TRIM2: variants seen among roughly 807,000 people sequenced by gnomAD.
TRIM2 encodes tripartite motif-containing protein 2.
In TRIM2, 20 loss-of-function variants were observed where a neutral mutation model predicts 75.2. The ratio of observed to expected loss-of-function variants is 0.27; its 90% CI spans 0.19 to 0.39. The LOEUF (loss-of-function observed/expected upper bound fraction) is 0.39. TRIM2 is among the 10% of genes least tolerant of loss of function. The pLI, the probability that TRIM2 is intolerant of heterozygous loss-of-function variation, is 1.00. For missense variants in TRIM2, 660 were observed against 990.8 expected, an observed-to-expected ratio of 0.67 and a Z score of 4.48; for synonymous variants, 373 against 388.3, an observed-to-expected ratio of 0.96 and a Z score of 0.46.
chr4:153,289,762 T>C (rs1050042275), intron 3 of TRIM2, among the ~76,000 whole-genome samples: 1 of 152,240 alleles, frequency 6.6e-6, no homozygotes, highest in Non-Finnish European at 1.5e-5. Context: ...CATGAGGCCA[T>C]GCTCCCTTCT....
intron 1 of TRIM2, among the ~76,000 whole-genome samples, chr4:153,261,639 C>T (rs1753614803): frequency 6.6e-6 from 1 of 152,150 alleles, no homozygotes; most frequent in African/African-American, 2.4e-5. Flanking sequence ...CTACCACATT[C>T]CCTACAACAG....
intron 1 of TRIM2, among the ~76,000 whole-genome samples, chr4:153,159,107 A>T (rs4696426): frequency 0.23 from 35,554 of 152,054 alleles, 4,274 homozygotes; most frequent in East Asian, 0.31. Context: ...TTGCATACAG[A>T]TGATTAGTCT....
intron 1 of TRIM2, among the ~76,000 whole-genome samples, chr4:153,173,924 C>T (rs1272394722): frequency 2.6e-5 from 4 of 152,024 alleles, no homozygotes; most frequent in African/African-American, 9.7e-5. Context: ...AAGATCGTGC[C>T]ACTGCAGTCT....
At position 153,295,387 on chromosome 4, in the gene TRIM2, G is replaced by A; in HGVS notation, c.861G>A (p.Gln287=). 1.2e-6 allele frequency: 2 copies of A among 1,614,050 alleles called. No individual in the cohort carries two copies. Among genetic ancestry groups the A allele is most frequent in the Non-Finnish European group, 1.7e-6 (2 of 1,179,942 alleles). The change falls in exon 6 of 12, where the codon CAG becomes CAA. Residue 287 remains glutamine (Q), a synonymous_variant. Coordinates refer to ENST00000338700, the MANE Select transcript of TRIM2 (RefSeq NM_015271.5). This position sits in a 1 kb window ranked among gnomAD's most constrained non-coding sequence, Gnocchi z 7.2. ...SIKSCSNFTA[Q]ALNHGTETEV... ...AGAGCTGCAGCAACTTCACAGCGCA[G>A]GCCCTCAACCATGGCACGGAGACCG...
intron 1 of TRIM2, among the ~76,000 whole-genome samples, chr4:153,192,762 G>A (rs976871092): frequency 6.6e-6 from 1 of 152,132 alleles, no homozygotes; most frequent in Non-Finnish European, 1.5e-5. Flanking sequence ...TGCACCCACT[G>A]TTCCAAACAC....
Position 153,336,349 on chromosome 4 carries a change from A to G in TRIM2, c.*1383A>G. On this transcript the variant is annotated 3_prime_UTR_variant, in exon 12 of 12. Transcript: ENST00000338700. ...CAGAAAATGGCCTTCTGTGCTTTCA[A>G]AAAAAAAAACAAAAAAAAAACCACA... 1 of 793,866 alleles carries G rather than the reference A, an allele frequency of 1.3e-6. No homozygotes were observed. Among genetic ancestry groups the G allele is most frequent in the Non-Finnish European group, 1.4e-6 (1 of 711,022 alleles). 49.2% of individuals were successfully genotyped at this position (793,866 alleles called of 1,614,324 possible).
At chr4:153,282,222 A>C (rs115285429) in intron 3 of TRIM2, among the ~76,000 whole-genome samples, 6 of 152,320 alleles carry the variant, frequency 3.9e-5, no homozygotes, top group Admixed American at 2.0e-4. Flanking sequence ...GCCCCACACA[A>C]TTAGCTCTCA....
chr4:153,303,309 A>AT (rs1351544751), intron 6 of TRIM2, among the ~76,000 whole-genome samples: 10 of 132,488 alleles, frequency 7.5e-5, no homozygotes, highest in African/African-American at 1.7e-4. Context: ...ACTAAAAAAA[A>AT]AAAATATATA....
chr4:153,186,328 G>A (rs1416665968), intron 1 of TRIM2, among the ~76,000 whole-genome samples: 1 of 152,074 alleles, frequency 6.6e-6, no homozygotes, highest in Non-Finnish European at 1.5e-5. Flanking sequence ...CTGTGATTTG[G>A]TGAAGCTAAC....
At chr4:153,226,249 C>T (rs971596407) in intron 1 of TRIM2, among the ~76,000 whole-genome samples, 3 of 152,168 alleles carry the variant, frequency 2.0e-5, no homozygotes, top group African/African-American at 4.8e-5. Flanking sequence ...TTTCCTTTTT[C>T]ATAATATACT....
intron 1 of TRIM2, among the ~76,000 whole-genome samples, chr4:153,196,265 C>T (rs1046947263): frequency 1.6e-5 from 1 of 62,758 alleles, no homozygotes; most frequent in African/African-American, 4.5e-5. Flanking sequence ...TTCCTACCAC[C>T]CCCCCCCACA....
chr4:153,197,381 C>T (rs1210824178), intron 1 of TRIM2, among the ~76,000 whole-genome samples: 1 of 152,184 alleles, frequency 6.6e-6, no homozygotes, highest in Non-Finnish European at 1.5e-5. Context: ...TTGCAAAGCC[C>T]TTCAATGTCA....
At chr4:153,204,090 G>A (rs1444337223), upstream of TRIM2, among the ~76,000 whole-genome samples, 1 of 152,004 alleles carries the variant, frequency 6.6e-6, no homozygotes, top group East Asian at 1.9e-4. Context: ...TATTAACCCC[G>A]GAAGACAACA....
At chr4:153,246,954 G>A (rs1749336739) in intron 1 of TRIM2, among the ~76,000 whole-genome samples, 1 of 152,182 alleles carries the variant, frequency 6.6e-6, no homozygotes, top group Non-Finnish European at 1.5e-5. Context: ...ATCAATGTTT[G>A]TTTAGAGTGC....
chr4:153,266,500 G>A (rs1269968086), intron 1 of TRIM2, among the ~76,000 whole-genome samples: 2 of 151,900 alleles, frequency 1.3e-5, no homozygotes, highest in African/African-American at 2.4e-5. Context: ...GCACCACCAC[G>A]CCCAGCTAAT....
At chr4:153,185,504 A>G (rs867387372) in intron 1 of TRIM2, among the ~76,000 whole-genome samples, 1 of 152,070 alleles carries the variant, frequency 6.6e-6, no homozygotes, top group Non-Finnish European at 1.5e-5. Context: ...CACAGCAGGG[A>G]CTGCCAATCT....
intron 1 of TRIM2, among the ~76,000 whole-genome samples, chr4:153,236,217 T>G (rs748710872): frequency 3.3e-5 from 5 of 152,136 alleles, no homozygotes; most frequent in African/African-American, 9.7e-5. Flanking sequence ...TCTTTATAAA[T>G]TACCCAGTGT....
chr4:153,179,809 G>A (rs376370884), intron 1 of TRIM2, among the ~76,000 whole-genome samples: 3 of 152,204 alleles, frequency 2.0e-5, no homozygotes, highest in Admixed American at 2.0e-4. Flanking sequence ...CACTGTGTGT[G>A]TGACACTTGG....
intron 1 of TRIM2, among the ~76,000 whole-genome samples, chr4:153,258,247 C>T (rs1313663205): frequency 6.6e-6 from 1 of 152,118 alleles, no homozygotes; most frequent in Non-Finnish European, 1.5e-5. Flanking sequence ...TAATGCATGA[C>T]TCGACCCTCC....
Sources: gnomAD v4.1 joint callset for allele counts (sites outside exome capture counted in the v4.1 genomes callset) on GRCh38, gnomAD v4.1.1 for gene constraint, Gnocchi (gnomAD v3.1) non-coding constraint, MANE v1.5 for transcripts, NCBI Gene and HGNC (gene_info 2026-07-23, HGNC 2026-07-21) for gene names.